Variants in CDH12 observed in about 807,000 individuals in gnomAD.
The protein encoded by CDH12 is cadherin-12.
In CDH12, 41 loss-of-function variants were observed where a neutral mutation model predicts 74.1. The ratio of observed to expected loss-of-function variants is 0.55; its 90% CI spans 0.43 to 0.72. The LOEUF (loss-of-function observed/expected upper bound fraction) is 0.72. Among genes scored for constraint, CDH12 ranks in the 30% least tolerant of loss-of-function variants. The pLI is 0.00. For missense variants in CDH12, 945 were observed against 977.2 expected (o/e 0.97, Z 0.44); for synonymous variants, 399 against 355.0 (o/e 1.12, Z -1.39).
rs1330866097 is a variant in CDH12, at chr5:22,197,167, G to A, written c.-187+15331C>T. Among the ~76,000 whole-genome samples the A allele has an allele frequency of 6.6e-5, 10 of 152,044 alleles. No individual in the cohort carries two copies. The South Asian group carries it at 1.5e-3, about 22-fold the overall frequency. On this transcript the variant is annotated intron_variant, in intron 4 of 14. Coordinates refer to ENST00000382254, the MANE Select transcript of CDH12 (RefSeq NM_004061.5). ...AACTTAAAGAATGGAAAGAATAGCC[G>A]GGTGCAGCGGCTCATGCCTGTAATC... is the stretch of plus-strand genomic sequence containing the variant.
intron 12 of CDH12, among the ~76,000 whole-genome samples, chr5:21,761,773 AGATAGATAGATG>A (rs1458693526): frequency 3.3e-5 from 5 of 152,004 alleles, no homozygotes; most frequent in African/African-American, 1.2e-4. Context: ...ATAGATAGAT[AGATAGATAGATG>A]ATAGATATCA....
chr5:22,847,933 G>A (rs1737381129), intron 1 of CDH12, among the ~76,000 whole-genome samples: 1 of 151,794 alleles, frequency 6.6e-6, no homozygotes, highest in South Asian at 2.1e-4. Flanking sequence ...GCCCAGGCTG[G>A]AGAGCAATGG....
chr5:22,794,284 A>T (rs967555406), intron 1 of CDH12, among the ~76,000 whole-genome samples: 7 of 152,208 alleles, frequency 4.6e-5, no homozygotes, highest in African/African-American at 1.7e-4. Context: ...GAGGTGGATG[A>T]CCAGTTTTGT....
intron 5 of CDH12, among the ~76,000 whole-genome samples, chr5:22,016,130 C>T (rs1179530839): frequency 6.6e-6 from 1 of 152,004 alleles, no homozygotes; most frequent in Non-Finnish European, 1.5e-5. Flanking sequence ...TTGCCATTCA[C>T]TGATATTTGG....
intron 6 of CDH12, among the ~76,000 whole-genome samples, chr5:21,942,192 C>A (rs1755360256): frequency 1.3e-5 from 2 of 151,962 alleles, no homozygotes; most frequent in African/African-American, 4.8e-5. Flanking sequence ...TCCAAGCAGC[C>A]TCAAGAGAGT....
At chr5:22,075,929 T>G (rs1316198061) in intron 5 of CDH12, among the ~76,000 whole-genome samples, 1 of 152,126 alleles carries the variant, frequency 6.6e-6, no homozygotes, top group African/African-American at 2.4e-5. Context: ...AGTGGAAGCA[T>G]AAATATATTT....
chr5:22,707,609 C>T (rs1743082998), intron 1 of CDH12, among the ~76,000 whole-genome samples: 1 of 152,108 alleles, frequency 6.6e-6, no homozygotes, highest in Admixed American at 6.6e-5. Context: ...AGAAAATGTA[C>T]TGATTTGGTG....
chr5:22,412,710 A>T (rs1222787193), intron 2 of CDH12, among the ~76,000 whole-genome samples: 15 of 151,940 alleles, frequency 9.9e-5, no homozygotes, highest in Admixed American at 9.9e-4. Context: ...GGCCATGGGC[A>T]CACTTAGGCT....
rs1743500177 is a variant in CDH12 at position 22,715,022 on chromosome 5, G to A, written c.-523+138036C>T. Among the ~76,000 whole-genome samples the A allele has an allele frequency of 1.3e-5, 2 of 152,152 alleles. 1 individual carries two copies. The highest frequency in any genetic ancestry group is 4.1e-4 in the South Asian group (2 of 4,828). ...ATAAGAGAATTGTATTTCTGCTTAA[G>A]TAAAGTACAAGTATGTTTCTAAACT... On this transcript the variant is annotated intron_variant, in intron 1 of 14. Coordinates refer to ENST00000382254, the MANE Select transcript of CDH12 (RefSeq NM_004061.5).
At chr5:22,106,792 T>C (rs542913456) in intron 4 of CDH12, among the ~76,000 whole-genome samples, 100 of 152,204 alleles carry the variant, frequency 6.6e-4, no homozygotes, top group Non-Finnish European at 1.2e-3. Flanking sequence ...CTTGTGAGGA[T>C]GCTTATGTTT....
chr5:22,201,090 T>C (rs1325318705), intron 4 of CDH12, among the ~76,000 whole-genome samples: 1 of 152,148 alleles, frequency 6.6e-6, no homozygotes, highest in Non-Finnish European at 1.5e-5. Flanking sequence ...ACAGCAAACA[T>C]GAAATCTCAG....
chr5:22,297,924 C>G (rs1737701609), intron 3 of CDH12, among the ~76,000 whole-genome samples: 1 of 151,732 alleles, frequency 6.6e-6, no homozygotes, highest in African/African-American at 2.4e-5. Context: ...ATTTTACTTC[C>G]AGTAACTTCA....
chr5:22,097,019 C>T (rs530395879), intron 4 of CDH12, among the ~76,000 whole-genome samples: 1 of 152,248 alleles, frequency 6.6e-6, no homozygotes, highest in African/African-American at 2.4e-5. Context: ...CACTGTGAGA[C>T]AAACCCCAGC....
chr5:21,829,632 A>C (rs920902174), intron 8 of CDH12, among the ~76,000 whole-genome samples: 2 of 152,200 alleles, frequency 1.3e-5, no homozygotes, highest in Non-Finnish European at 2.9e-5. Context: ...GACCAATAAC[A>C]AGGCAAATAT....
rs185695976 is a variant in CDH12 at position 22,710,184 on chromosome 5, T to A, written c.-523+142874A>T. Among the ~76,000 whole-genome samples, 339 of 152,284 alleles carry A rather than the reference T, an allele frequency of 2.2e-3. 3 individuals carry two copies. Among genetic ancestry groups the A allele is most frequent in the Middle Eastern group, 3.4e-3 (1 of 294 alleles). On this transcript the variant is annotated intron_variant, in intron 1 of 14. Coordinates refer to ENST00000382254, the MANE Select transcript of CDH12 (RefSeq NM_004061.5). ...CAACTTTATTTCCTAAGTACAGAAATCAAATTGATTTCAAAAATACAAAGT... is the reference window on the plus strand; with the variant it reads ...CAACTTTATTTCCTAAGTACAGAAAACAAATTGATTTCAAAAATACAAAGT...
chr5:22,114,000 G>T (rs947044281), intron 4 of CDH12, among the ~76,000 whole-genome samples: 1 of 152,132 alleles, frequency 6.6e-6, no homozygotes, highest in Non-Finnish European at 1.5e-5. Context: ...ATGACATCAG[G>T]TGGCATCTCT....
chr5:22,439,594 G>T (rs1561405444), intron 2 of CDH12, among the ~76,000 whole-genome samples: 1 of 152,040 alleles, frequency 6.6e-6, no homozygotes, highest in African/African-American at 2.4e-5. Context: ...TCCTGATCCT[G>T]CTGAAGGTGT....
At chr5:21,766,882 G>A (rs1745056379) in intron 11 of CDH12, among the ~76,000 whole-genome samples, 1 of 151,766 alleles carries the variant, frequency 6.6e-6, no homozygotes, top group Non-Finnish European at 1.5e-5. Context: ...TCTCCTTTGT[G>A]TAGGTGAAAC....
chr5:22,327,462 G>A (rs1196460748), intron 3 of CDH12, among the ~76,000 whole-genome samples: 21 of 151,406 alleles, frequency 1.4e-4, no homozygotes, highest in African/African-American at 4.9e-4. Flanking sequence ...GTGTGTGTGT[G>A]TGTGTGTGCA....
Sources: allele counts gnomAD v4.1 joint callset (sites outside exome capture counted in the v4.1 genomes callset), GRCh38; gene constraint gnomAD v4.1.1; transcripts MANE v1.5; gene names NCBI Gene and HGNC (gene_info 2026-07-23, HGNC 2026-07-21).